RELN: variants seen among roughly 807,000 people sequenced by gnomAD.
RELN encodes the protein reelin.
Under a neutral mutation model 427.6 loss-of-function variants are expected in RELN, and 108 were observed. That is an observed-to-expected ratio of 0.25 (90% CI 0.22 to 0.30). The LOEUF is 0.30. Among genes scored for constraint, RELN ranks in the 10% least tolerant of loss-of-function variants. The pLI, the probability that RELN is intolerant of heterozygous loss-of-function variation, is 1.00. For synonymous variants in RELN, 1,524 were observed against 1,513.4 expected (o/e 1.01, Z -0.16); for missense variants, 3,715 against 4,302.8 (o/e 0.86, Z 3.82).
At position 103,985,058 on chromosome 7, in the gene RELN, C is replaced by T. The variant is rs144129217; in HGVS notation, c.226+4073G>A. Among the ~76,000 whole-genome samples, 1,480 of 152,166 alleles carry T rather than the reference C, an allele frequency of 9.7e-3. 21 individuals carry two copies. The highest frequency in any genetic ancestry group is 0.034 in the African/African-American group (1,400 of 41,508). The stretch of plus-strand genomic sequence containing the variant: ...TACTGGAAATTGTCAAAATAAAGTG[C>T]CCTCAATACTCTATCCTGATTATAC... On this transcript the variant is annotated intron_variant, in intron 1 of 64. Coordinates refer to ENST00000428762, the MANE Select transcript of RELN (RefSeq NM_005045.4).
intron 4 of RELN, among the ~76,000 whole-genome samples, chr7:103,773,436 T>TCTCCCTCGCTCCCTCC (rs1791654343): frequency 1.7e-5 from 2 of 120,864 alleles, no homozygotes; most frequent in Non-Finnish European, 3.6e-5. Flanking sequence ...CCTCTCTCTC[T>TCTCCCTCGCTCCCTCC]CTCTCTCTCC....
chr7:103,635,489 A>G lies in RELN; in HGVS notation c.2401T>C (p.Tyr801His), dbSNP rs553568199. The change falls in exon 19 of 65, where the codon TAT (tyrosine) becomes CAT (histidine). Residue 801 changes from tyrosine (Y) to histidine (H), a missense_variant. This residue lies in a region of RELN where 2,208 missense variants were observed against 2,361.7 expected (regional missense o/e 0.93). Transcript: ENST00000428762. The stretch of plus-strand genomic sequence containing the variant: ...AGTTTCCAAGTTATCCCATTATCAT[A>G]AGAATAATGCAACAAAACTCCTTCA... ...PGEGVLLHYS[Y>H]DNGITWKLLE... 6.2e-7 allele frequency: 1 copy of G among 1,613,900 alleles called. No homozygotes were observed.
At position 103,988,120 on chromosome 7, in the gene RELN, A is replaced by G. The variant is rs1797142412; in HGVS notation, c.226+1011T>C. On this transcript the variant is annotated intron_variant, in intron 1 of 64. Coordinates refer to ENST00000428762, the MANE Select transcript of RELN (RefSeq NM_005045.4). The surrounding 1 kb of genome is among the most constrained non-coding windows in gnomAD (Gnocchi z 4.9). ...GACAATGGTTTCTATTTGGTTGGGT[A>G]TAAATATTTTGGGGTTGAAATTCTA... Among the ~76,000 whole-genome samples the G allele has an allele frequency of 6.6e-6, 1 of 152,200 alleles. No individual in the cohort carries two copies. The highest frequency in any genetic ancestry group is 1.5e-5 in the Non-Finnish European group (1 of 68,030).
At position 103,535,230 on chromosome 7, in the gene RELN, C is replaced by T. The variant is rs952507666; in HGVS notation, c.7349+86G>A. 4.7e-6 allele frequency: 6 copies of T among 1,267,994 alleles called. No homozygotes were observed. In the South Asian group the frequency reaches 7.3e-5, roughly 15 times the overall value. 78.5% of individuals were successfully genotyped at this position (1,267,994 alleles called of 1,614,324 possible). A position where few individuals can be genotyped will look rare whatever the true frequency, so the allele number is the denominator to read the frequency against. On this transcript the variant is annotated intron_variant, in intron 46 of 64. Coordinates refer to ENST00000428762, the MANE Select transcript of RELN (RefSeq NM_005045.4). ...AGCAATTAACAAAACCCTCACATAT[C>T]TCATTAAACTTGACATGCCAAATGT...
chr7:103,525,035 T>C (rs1829792580), intron 46 of RELN, among the ~76,000 whole-genome samples: 1 of 152,018 alleles, frequency 6.6e-6, no homozygotes, highest in South Asian at 2.1e-4. Flanking sequence ...GAGCACTGTT[T>C]CTCCCCTCAG....
At chr7:103,570,176 C>T (rs559813616) in intron 31 of RELN, among the ~76,000 whole-genome samples, 7 of 147,238 alleles carry the variant, frequency 4.8e-5, no homozygotes, top group Non-Finnish European at 1.1e-4. Context: ...AAAGGATCCT[C>T]AGGGAAATCT....
At chr7:103,510,327 G>T (rs1362264736) in intron 51 of RELN, among the ~76,000 whole-genome samples, 1 of 152,200 alleles carries the variant, frequency 6.6e-6, no homozygotes, top group Non-Finnish European at 1.5e-5. Context: ...ATGAGTTCAT[G>T]TCCTTTGCAG....
chr7:103,837,873 G>A (rs1319349966), intron 2 of RELN, among the ~76,000 whole-genome samples: 1 of 152,080 alleles, frequency 6.6e-6, no homozygotes, highest in Non-Finnish European at 1.5e-5. Flanking sequence ...AGATTCTCAA[G>A]AAATATTTTC....
At chr7:103,855,088 T>C (rs1342899209) in intron 2 of RELN, among the ~76,000 whole-genome samples, 1 of 152,262 alleles carries the variant, frequency 6.6e-6, no homozygotes, top group African/African-American at 2.4e-5. Flanking sequence ...ATGTATAATA[T>C]AATTTGAATG....
chr7:103,854,853 A>C (rs931802758), intron 2 of RELN, among the ~76,000 whole-genome samples: 1 of 152,220 alleles, frequency 6.6e-6, no homozygotes, highest in African/African-American at 2.4e-5. Flanking sequence ...AAAAGGGCTA[A>C]AGATGCCCTG....
chr7:103,566,486 T>G, intron 32 of RELN, 74 bp from the exon 33 acceptor site: 1 of 1,592,474 alleles, frequency 6.3e-7, no homozygotes, highest in Non-Finnish European at 8.6e-7. Flanking sequence ...TGACTGTGAT[T>G]TTAAATCAAA....
At chr7:103,801,273 C>A (rs972807150) in intron 3 of RELN, among the ~76,000 whole-genome samples, 9 of 152,216 alleles carry the variant, frequency 5.9e-5, no homozygotes, top group African/African-American at 1.7e-4. Context: ...TTTAAAGACA[C>A]ATGCACACAT....
intron 11 of RELN, among the ~76,000 whole-genome samples, chr7:103,675,451 G>A (rs913760830): frequency 1.3e-5 from 2 of 152,128 alleles, no homozygotes; most frequent in African/African-American, 4.8e-5. Context: ...TCATGAAAAT[G>A]GTCACACTGC....
At chr7:103,655,298 C>T (rs746819410) in intron 12 of RELN, among the ~76,000 whole-genome samples, 2 of 151,994 alleles carry the variant, frequency 1.3e-5, no homozygotes, top group Non-Finnish European at 2.9e-5. Flanking sequence ...TCCCTAAGTC[C>T]CCATATTTAT....
chr7:103,656,537 A>G (rs962302087), intron 12 of RELN, among the ~76,000 whole-genome samples: 2 of 152,050 alleles, frequency 1.3e-5, no homozygotes, highest in African/African-American at 2.4e-5. Flanking sequence ...GATAGCAGTG[A>G]GTTACAGGGT....
chr7:103,522,853 C>CACACACACAGACACACACACACACACG (rs1189048440), intron 47 of RELN, among the ~76,000 whole-genome samples: 2 of 22,096 alleles, frequency 9.1e-5, no homozygotes, highest in African/African-American at 3.6e-4. Flanking sequence ...ACACACACAC[C>CACACACACAGACACACACACACACACG]CCCACACCTT....
At chr7:103,745,724 T>C (rs1169877424) in intron 6 of RELN, among the ~76,000 whole-genome samples, 1 of 149,948 alleles carries the variant, frequency 6.7e-6, no homozygotes, top group Non-Finnish European at 1.5e-5. Context: ...GTGAAGGACC[T>C]CTTCAAGGAG....
At chr7:103,894,279 A>G (rs1332192057) in intron 2 of RELN, among the ~76,000 whole-genome samples, 2 of 152,184 alleles carry the variant, frequency 1.3e-5, no homozygotes, top group Admixed American at 6.6e-5. Flanking sequence ...GACCTATAGT[A>G]TACTCTTCAC....
chr7:103,753,242 C>T (rs916454590), intron 4 of RELN, 28 bp from the exon 5 acceptor site: 9 of 1,613,400 alleles, frequency 5.6e-6, no homozygotes, highest in African/African-American at 2.7e-5. Flanking sequence ...AGAAGAAAGA[C>T]AACTGATCAG....
Sources: gnomAD v4.1 joint callset for allele counts (sites outside exome capture counted in the v4.1 genomes callset) on GRCh38, gnomAD v4.1.1 for gene constraint, gnomAD v4.1.1 regional missense constraint, Gnocchi (gnomAD v3.1) non-coding constraint, MANE v1.5 for transcripts, NCBI Gene and HGNC (gene_info 2026-07-23, HGNC 2026-07-21) for gene names.